STK31: variants seen among roughly 807,000 people sequenced by gnomAD.
STK31 encodes serine/threonine-protein kinase 31.
A neutral mutation model predicts 129.7 loss-of-function variants in STK31; 89 were observed. The observed-to-expected ratio is 0.69, with a 90% CI of 0.58 to 0.82. STK31 has a LOEUF of 0.82. Among genes scored for constraint, STK31 ranks in the 40% least tolerant of loss-of-function variants. The pLI is 0.00. For synonymous variants in STK31, 448 were observed against 395.3 expected (o/e 1.13, Z -1.58); for missense variants, 1,187 against 1,176.4 (o/e 1.01, Z -0.13).
intron 10 of STK31, among the ~76,000 whole-genome samples, chr7:23,760,004 T>A (rs1426965755): frequency 1.3e-5 from 2 of 152,208 alleles, no homozygotes; most frequent in African/African-American, 4.8e-5. Flanking sequence ...TTAATTAGTG[T>A]CTGAGTCACC....
In STK31 at chr7:23,781,491, C is replaced by G. The variant is rs201185514; in HGVS notation, c.2038C>G (p.Gln680Glu). ...AACTCAGCTGCGCAATAATGTCTTTCAGGAAATTTATCATGAGAGAGAGGA... is the reference window on the plus strand; with the variant it reads ...AACTCAGCTGCGCAATAATGTCTTTGAGGAAATTTATCATGAGAGAGAGGA... ...EITQLRNNVF[Q>E]EIYHEREEYE... The change falls in exon 16 of 24, where the codon CAG (glutamine) becomes GAG (glutamate). Residue 680 changes from glutamine to glutamate, a missense_variant. Physicochemically the swap from Gln to Glu is conservative, Grantham distance 29 (BLOSUM62 2). This residue lies in a region of STK31 where 975 missense variants were observed against 934.9 expected (regional missense o/e 1.04). Coordinates refer to ENST00000355870, the MANE Select transcript of STK31 (RefSeq NM_031414.5). 9.9e-5 allele frequency: 159 copies of G among 1,611,152 alleles called. No individual in the cohort carries two copies. The highest frequency in any genetic ancestry group is 1.3e-4 in the Non-Finnish European group (153 of 1,178,780).
intron 22 of STK31, among the ~76,000 whole-genome samples, chr7:23,801,740 G>T (rs1009399947): frequency 6.6e-6 from 1 of 151,958 alleles, no homozygotes; most frequent in African/African-American, 2.4e-5. Context: ...TTTATGTCAG[G>T]GTTCATGTTT....
chr7:23,807,803 C>T (rs1792804846), intron 22 of STK31, among the ~76,000 whole-genome samples: 1 of 151,856 alleles, frequency 6.6e-6, no homozygotes, highest in Non-Finnish European at 1.5e-5. Context: ...TAGTGCTTTC[C>T]TGTCATATTT....
chr7:23,733,052 T>C (rs927500346), intron 6 of STK31, among the ~76,000 whole-genome samples: 1 of 151,954 alleles, frequency 6.6e-6, no homozygotes, highest in Non-Finnish European at 1.5e-5. Flanking sequence ...ATAATTGATA[T>C]AATATATTGA....
chr7:23,726,071 A>G (rs549669455), intron 4 of STK31: 8 of 152,194 alleles, frequency 5.3e-5, no homozygotes, highest in African/African-American at 1.4e-4. Flanking sequence ...ATCTGCCTCT[A>G]CTATCCAATC....
At chr7:23,794,916 T>C (rs549180766) in intron 22 of STK31, among the ~76,000 whole-genome samples, 1 of 152,252 alleles carries the variant, frequency 6.6e-6, no homozygotes, top group African/African-American at 2.4e-5. Flanking sequence ...CACAAAGATA[T>C]GGTTTGGAAT....
In STK31 at chr7:23,737,038, C is replaced by A; in HGVS notation, c.977C>A (p.Ala326Glu). The A allele has an allele frequency of 6.2e-7, 1 of 1,610,838 alleles. No individual in the cohort carries two copies. Among genetic ancestry groups the A allele is most frequent in the Non-Finnish European group, 8.5e-7 (1 of 1,179,236 alleles). The change falls in exon 8 of 24, where the codon GCG becomes GAG. Residue 326 changes from alanine to glutamate, a missense_variant. By Grantham distance (107) the Ala-to-Glu change is moderately radical. Transcript: ENST00000355870. Reference sequence around the variant, plus strand: ...GACGCTCTTCTTGAAAGTTATAAGGCGTTAGAATTGAAAGTAGAGCAGATT... The same window carrying A: ...GACGCTCTTCTTGAAAGTTATAAGGAGTTAGAATTGAAAGTAGAGCAGATT... Reference protein sequence around the residue: ...EKDALLESYKALELKVEQIAQ... With the variant: ...EKDALLESYKELELKVEQIAQ...
chr7:23,764,748 T>A (rs1332035455), intron 11 of STK31, among the ~76,000 whole-genome samples: 4 of 152,160 alleles, frequency 2.6e-5, no homozygotes, highest in African/African-American at 9.7e-5. Flanking sequence ...CTTTTGGTTC[T>A]TGTTCAAAGT....
chr7:23,805,256 A>G (rs1792630577), intron 22 of STK31, among the ~76,000 whole-genome samples: 1 of 151,872 alleles, frequency 6.6e-6, no homozygotes, highest in African/African-American at 2.4e-5. Context: ...TTTGTGTTTT[A>G]GTAGAGATGG....
intron 15 of STK31, among the ~76,000 whole-genome samples, chr7:23,777,297 C>G (rs867175538): frequency 6.6e-5 from 10 of 152,144 alleles, no homozygotes; most frequent in African/African-American, 2.4e-4. Context: ...AATGTATATT[C>G]TGTTGATTTG....
intron 16 of STK31, 31 bp downstream of exon 16, chr7:23,781,551 T>G: frequency 1.3e-6 from 2 of 1,488,618 alleles, no homozygotes; most frequent in Non-Finnish European, 1.9e-6. Flanking sequence ...AGTTTTACAT[T>G]AGGTTTTACT....
rs1791205073 is a variant in STK31, at chr7:23,785,369, AC to A, written c.2149-108del. The A allele has an allele frequency of 4.2e-6, 6 of 1,440,460 alleles. No individual in the cohort carries two copies. In the Admixed American group the frequency reaches 1.3e-4, roughly 30 times the overall value. 89.2% of individuals were successfully genotyped at this position (1,440,460 alleles called of 1,614,324 possible). A position where few individuals can be genotyped will look rare whatever the true frequency, so the allele number is the denominator to read the frequency against. On this transcript the variant is annotated intron_variant, in intron 17 of 23. Transcript: ENST00000355870. ...TTTTAATTTTGTTGGTTTTTCCAGTACAGTTGATGGTGTCCAAGTCATTTAA... is the reference window on the plus strand; with the variant it reads ...TTTTAATTTTGTTGGTTTTTCCAGTAAGTTGATGGTGTCCAAGTCATTTAA...
At position 23,788,104 on chromosome 7, in the gene STK31, G is replaced by C. The variant is rs1791409942; in HGVS notation, c.2612G>C (p.Gly871Ala). The C allele has an allele frequency of 6.2e-7, 1 of 1,610,666 alleles. No individual in the cohort carries two copies. The highest frequency in any genetic ancestry group is 1.3e-5 in the African/African-American group (1 of 74,760). The change falls in exon 21 of 24, where the codon GGA becomes GCA. Residue 871 changes from glycine to alanine, a missense_variant. Gly to Ala is a moderately conservative substitution (Grantham distance 60). Transcript: ENST00000355870. ...FALNREQGIV[G>A]DFDFTKSVSQ... ...TTAAACCGTGAACAAGGAATTGTTGGAGATTTTGACTTCACCAAATCTGTG... is the reference window on the plus strand; with the variant it reads ...TTAAACCGTGAACAAGGAATTGTTGCAGATTTTGACTTCACCAAATCTGTG...
At chr7:23,740,726 A>G (rs953861803) in intron 8 of STK31, among the ~76,000 whole-genome samples, 5 of 151,896 alleles carry the variant, frequency 3.3e-5, no homozygotes, top group African/African-American at 1.2e-4. Context: ...ATTCCCACCT[A>G]TGAGTGAGAA....
At chr7:23,825,085 T>A (rs1353325028) in intron 23 of STK31, among the ~76,000 whole-genome samples, 1 of 152,136 alleles carries the variant, frequency 6.6e-6, no homozygotes, top group African/African-American at 2.4e-5. Flanking sequence ...TCTGCCCGGC[T>A]TTGGTATCAG....
At chr7:23,724,216 A>G (rs1459109315) in intron 4 of STK31, among the ~76,000 whole-genome samples, 1 of 152,200 alleles carries the variant, frequency 6.6e-6, no homozygotes, top group Admixed American at 6.5e-5. Context: ...TTTGAAAAAA[A>G]TCCTGGGAAC....
chr7:23,800,161 G>A (rs1265804442), intron 22 of STK31, among the ~76,000 whole-genome samples: 2 of 152,092 alleles, frequency 1.3e-5, no homozygotes, highest in Non-Finnish European at 2.9e-5. Context: ...CGGCCATTAT[G>A]GAAAATAGTG....
At chr7:23,798,832 T>A (rs974808238) in intron 22 of STK31, among the ~76,000 whole-genome samples, 2 of 152,202 alleles carry the variant, frequency 1.3e-5, no homozygotes, top group Admixed American at 1.3e-4. Context: ...GACATGATTG[T>A]ATATTTAGAA....
intron 18 of STK31, 80 bp from the exon 19 acceptor site, chr7:23,786,427 AT>A: frequency 1.5e-6 from 2 of 1,314,552 alleles, no homozygotes; most frequent in Admixed American, 5.4e-5. Flanking sequence ...AAAATAATGA[AT>A]TATGTTTAAA....
Sources: allele counts gnomAD v4.1 joint callset (sites outside exome capture counted in the v4.1 genomes callset), GRCh38; gene constraint gnomAD v4.1.1; regional missense constraint gnomAD v4.1.1; transcripts MANE v1.5; gene names NCBI Gene and HGNC (gene_info 2026-07-23, HGNC 2026-07-21).